Variants in MEIOB observed in about 807,000 individuals in gnomAD.
The protein encoded by MEIOB is meiosis-specific with OB domain-containing protein.
Under a neutral mutation model 53.1 loss-of-function variants are expected in MEIOB, and 50 were observed. That is an observed-to-expected ratio of 0.94 (90% CI 0.75 to 1.19). The LOEUF (loss-of-function observed/expected upper bound fraction) is 1.19. Among genes scored for constraint, MEIOB ranks in the 50% most tolerant of loss-of-function variants. The pLI, the probability that MEIOB is intolerant of heterozygous loss-of-function variation, is 0.00. For missense variants in MEIOB, 551 were observed against 550.8 expected, an observed-to-expected ratio of 1.00 and a Z score of 0.00; for synonymous variants, 192 against 182.5, an observed-to-expected ratio of 1.05 and a Z score of -0.42.
Position 1,865,872 on chromosome 16 carries a change from A to T in MEIOB, c.70-37T>A, listed in dbSNP as rs1489217529. 5.1e-6 allele frequency: 7 copies of T among 1,377,424 alleles called. No homozygotes were observed. The Admixed American group carries it at 1.2e-4, about 24-fold the overall frequency. 85.3% of individuals were successfully genotyped at this position (1,377,424 alleles called of 1,614,324 possible). On this transcript the variant is annotated intron_variant, in intron 2 of 13. Coordinates refer to ENST00000325962, the MANE Select transcript of MEIOB (RefSeq NM_001163560.3). Reference sequence around the variant, plus strand: ...AAAGGTCACAGAAGACCAATATTAAACACAGATGTACTTGATAAATTTAAT... The same window carrying T: ...AAAGGTCACAGAAGACCAATATTAATCACAGATGTACTTGATAAATTTAAT...
intron 9 of MEIOB, among the ~76,000 whole-genome samples, chr16:1,848,122 T>TTA (rs1899069439): frequency 6.6e-6 from 1 of 151,884 alleles, no homozygotes; most frequent in African/African-American, 2.4e-5. Flanking sequence ...TATTTTTTTT[T>TTA]AATTTTTTGT....
chr16:1,859,020 T>A (rs1422761406), intron 5 of MEIOB, among the ~76,000 whole-genome samples: 1 of 152,144 alleles, frequency 6.6e-6, no homozygotes, highest in African/African-American at 2.4e-5. Flanking sequence ...GAGGCTCACA[T>A]ATGTGAGGGG....
intron 3 of MEIOB, among the ~76,000 whole-genome samples, chr16:1,864,215 C>T (rs1191171255): frequency 6.6e-6 from 1 of 152,104 alleles, no homozygotes; most frequent in Non-Finnish European, 1.5e-5. Flanking sequence ...TCTGAACTGT[C>T]TATTAGTGTT....
chr16:1,863,178 C>G (rs1410163791), intron 3 of MEIOB, among the ~76,000 whole-genome samples: 1 of 151,872 alleles, frequency 6.6e-6, no homozygotes. Flanking sequence ...TTGAATGCAC[C>G]ACTGCACTCC....
intron 5 of MEIOB, among the ~76,000 whole-genome samples, chr16:1,858,262 G>A (rs1899358300): frequency 6.6e-6 from 1 of 152,172 alleles, no homozygotes; most frequent in Non-Finnish European, 1.5e-5. Context: ...CCCAAGGACT[G>A]GTTGTTTCTC....
chr16:1,835,444 C>A (rs1367078933), intron 13 of MEIOB, among the ~76,000 whole-genome samples: 2 of 151,740 alleles, frequency 1.3e-5, no homozygotes, highest in African/African-American at 2.4e-5. Flanking sequence ...GCACTTTAAC[C>A]AACATTTTAT....
Position 1,839,362 on chromosome 16 carries a change from A to T in MEIOB, c.1111T>A (p.Ser371Thr), listed in dbSNP as rs985183192. The stretch of plus-strand genomic sequence containing the variant: ...AGCACATGGAAACTGAGAAAGACAG[A>T]TTTAAAGTCCAAGGAGTTTTTGTTG... ...TCNKNSLDFKSVFLSFHVLID... is the reference protein window; with the variant it reads ...TCNKNSLDFKTVFLSFHVLID... Residue 371 changes from serine (S) to threonine (T), a missense_variant, in exon 12 of 14, where the codon TCT becomes ACT. Physicochemically the swap from Ser to Thr is moderately conservative, Grantham distance 58. Coordinates refer to ENST00000325962, the MANE Select transcript of MEIOB (RefSeq NM_001163560.3). The T allele has an allele frequency of 9.3e-6, 15 of 1,614,234 alleles. No individual in the cohort carries two copies. Among genetic ancestry groups the T allele is most frequent in the Non-Finnish European group, 1.3e-5 (15 of 1,180,038 alleles).
At chr16:1,853,397 G>A in intron 7 of MEIOB, 126 bp from the exon 8 acceptor site, 3 of 705,456 alleles carry the variant, frequency 4.3e-6, no homozygotes, top group South Asian at 1.8e-5. Context: ...GGTGGTCAAA[G>A]ACCTCCTAGT....
chr16:1,843,166 G>A (rs1305744761), intron 10 of MEIOB, among the ~76,000 whole-genome samples: 2 of 150,992 alleles, frequency 1.3e-5, no homozygotes, highest in Non-Finnish European at 3.0e-5. Flanking sequence ...TGGGGTGGGC[G>A]CCTGTCGTCC....
rs559574645 is a variant in MEIOB, at chr16:1,857,719, C to T, written c.528+16G>A. ...CCTGCCAGATTGCACTTGGCTTTGT[C>T]GGGGTTTTAACTTACCGATTTCACA... On this transcript the variant is annotated intron_variant, in intron 6 of 13. Coordinates refer to ENST00000325962, the MANE Select transcript of MEIOB (RefSeq NM_001163560.3). 7 of 1,548,622 alleles carry T rather than the reference C, an allele frequency of 4.5e-6. No homozygotes were observed. Among genetic ancestry groups the T allele is most frequent in the South Asian group, 1.2e-5 (1 of 83,236 alleles).
At chr16:1,866,540 G>C (rs988501051) in intron 2 of MEIOB, among the ~76,000 whole-genome samples, 20 of 152,148 alleles carry the variant, frequency 1.3e-4, no homozygotes, top group African/African-American at 4.6e-4. Context: ...GACCAACATG[G>C]TGAAACTCCA....
chr16:1,857,681 T>C lies in MEIOB; in HGVS notation c.528+54A>G. On this transcript the variant is annotated intron_variant, in intron 6 of 13. Coordinates refer to ENST00000325962, the MANE Select transcript of MEIOB (RefSeq NM_001163560.3). ...CACTCCATCCCAAACACAGATCAAG[T>C]GACTGCACCTCCCCTGCCAGATTGC... 1.1e-5 allele frequency: 16 copies of C among 1,403,666 alleles called. 1 individual carries two copies. The highest frequency in any genetic ancestry group is 9.8e-7 in the Non-Finnish European group (1 of 1,019,998). The allele number at this position is 1,403,666 out of a possible 1,614,324, so 87.0% of individuals were successfully genotyped here.
At chr16:1,855,875 A>G (rs1428623668) in intron 6 of MEIOB, among the ~76,000 whole-genome samples, 1 of 151,750 alleles carries the variant, frequency 6.6e-6, no homozygotes, top group African/African-American at 2.4e-5. Flanking sequence ...ACCATTTAAT[A>G]TAACAAGCAA....
chr16:1,866,504 T>C (rs941808379), intron 2 of MEIOB, among the ~76,000 whole-genome samples: 5 of 152,092 alleles, frequency 3.3e-5, no homozygotes, highest in Non-Finnish European at 5.9e-5. Flanking sequence ...GTGGGTCACC[T>C]GAGGTCATGA....
chr16:1,841,944 C>A lies in MEIOB; in HGVS notation c.910G>T (p.Glu304Ter). Residue 304 changes from glutamate (E) to a stop codon, truncating the protein, a stop_gained, in exon 11 of 14, where the codon GAA (glutamate) becomes TAA (stop). Transcript: ENST00000325962. LOFTEE classifies it high-confidence loss of function. ...LSTIVDVYTV[E>*]QLKGKALKNE... ...TTCAAAGCTTTTCCCTTTAATTGTT[C>A]AACTGTGTAGACATCAACTATTGTA... The A allele has an allele frequency of 6.2e-7, 1 of 1,606,566 alleles. No individual in the cohort carries two copies. Among genetic ancestry groups the A allele is most frequent in the South Asian group, 1.1e-5 (1 of 89,118 alleles).
chr16:1,860,721 C>A (rs1024929875), intron 4 of MEIOB, among the ~76,000 whole-genome samples: 1 of 152,140 alleles, frequency 6.6e-6, no homozygotes. Context: ...TATAGCTATA[C>A]TGGGCCCTAT....
Position 1,837,781 on chromosome 16 carries a change from AACTT to A in MEIOB, c.1304_1305+2del. ...ATAATATGGGACTATAAAATGCACT[AACTT>A]TTAAATAAATTTTGCTTCTTTCCAA... On this transcript the variant is annotated splice_donor_variant and coding_sequence_variant, in exon 13 of 14. Transcript: ENST00000325962. LOFTEE classifies it high-confidence loss of function. The A allele has an allele frequency of 6.9e-7, 1 of 1,453,896 alleles. No homozygotes were observed. The highest frequency in any genetic ancestry group is 9.4e-7 in the Non-Finnish European group (1 of 1,068,226). 90.1% of individuals were successfully genotyped at this position (1,453,896 alleles called of 1,614,324 possible).
At chr16:1,849,882 A>G (rs1899119766) in intron 9 of MEIOB, among the ~76,000 whole-genome samples, 3 of 152,236 alleles carry the variant, frequency 2.0e-5, no homozygotes, top group South Asian at 2.1e-4. Flanking sequence ...AAGTATGTGA[A>G]GTAGCACATA....
rs1054961573 is a variant in MEIOB at position 1,838,691 on chromosome 16, G to T, written c.1218+564C>A. ...AAACATCATGTTTCCTTAGTGTTTT[G>T]TTTTTTTTTTAATTATTTGGAGACA... On this transcript the variant is annotated intron_variant, in intron 12 of 13. Coordinates refer to ENST00000325962, the MANE Select transcript of MEIOB (RefSeq NM_001163560.3). Among the ~76,000 whole-genome samples the T allele has an allele frequency of 1.0e-3, 153 of 148,506 alleles. 1 individual carries two copies. The highest frequency in any genetic ancestry group is 1.8e-3 in the Non-Finnish European group (120 of 66,806).
Sources: gnomAD v4.1 joint callset for allele counts (sites outside exome capture counted in the v4.1 genomes callset) on GRCh38, gnomAD v4.1.1 for gene constraint, MANE v1.5 for transcripts, NCBI Gene and HGNC (gene_info 2026-07-23, HGNC 2026-07-21) for gene names.